The following PCDH15 variants were observed in gnomAD, a reference collection of about 807,000 sequenced individuals.
PCDH15 encodes protocadherin-15.
A neutral mutation model predicts 178.5 loss-of-function variants in PCDH15; 129 were observed. That is an observed-to-expected ratio of 0.72 (90% CI 0.63 to 0.84). The LOEUF is 0.84. Ranked by LOEUF, PCDH15 falls within the 40% of genes least tolerant of loss-of-function variation. The probability of loss-of-function intolerance (pLI) is 0.00; values close to 1 mark genes in which losing one functional copy is unlikely to be tolerated. For synonymous variants in PCDH15, 800 were observed against 732.0 expected (o/e 1.09, Z -1.50); for missense variants, 2,230 against 2,099.9 (o/e 1.06, Z -1.21).
At chr10:54,759,010 C>T (rs1217062579) in intron 1 of PCDH15, among the ~76,000 whole-genome samples, 4 of 152,014 alleles carry the variant, frequency 2.6e-5, no homozygotes, top group Non-Finnish European at 4.4e-5. Flanking sequence ...GGCATGTGAC[C>T]TTGGGCATGT....
At chr10:55,226,474 T>C (rs1020372491) in intron 1 of PCDH15, among the ~76,000 whole-genome samples, 8 of 151,778 alleles carry the variant, frequency 5.3e-5, no homozygotes, top group Non-Finnish European at 1.0e-4. Flanking sequence ...CTCTGTCTCC[T>C]GGGTTCAAGC....
intron 8 of PCDH15, among the ~76,000 whole-genome samples, chr10:54,304,195 T>C (rs550669568): frequency 5.9e-4 from 90 of 152,220 alleles, no homozygotes; most frequent in African/African-American, 2.1e-3. Flanking sequence ...ACCCATATCA[T>C]TGTTTCCCGT....
chr10:54,633,828 G>A (rs1565807627), intron 2 of PCDH15, among the ~76,000 whole-genome samples: 1 of 152,030 alleles, frequency 6.6e-6, no homozygotes, highest in Non-Finnish European at 1.5e-5. Context: ...AATAACCATG[G>A]AGAACTGAAA....
At chr10:54,132,030 T>C (rs2042479255) in intron 15 of PCDH15, among the ~76,000 whole-genome samples, 1 of 152,144 alleles carries the variant, frequency 6.6e-6, no homozygotes, top group East Asian at 1.9e-4. Flanking sequence ...AAATCTCCCC[T>C]AGGCTTTAAG....
chr10:54,942,112 C>T (rs1419409599), intron 2 of PCDH15, among the ~76,000 whole-genome samples: 1 of 151,982 alleles, frequency 6.6e-6, no homozygotes, highest in Non-Finnish European at 1.5e-5. Context: ...ACGTTTATGG[C>T]TTATTCTGAC....
intron 2 of PCDH15, among the ~76,000 whole-genome samples, chr10:54,561,794 AC>A (rs913119421): frequency 6.6e-6 from 1 of 151,820 alleles, no homozygotes; most frequent in Non-Finnish European, 1.5e-5. Flanking sequence ...AATGAAAAAA[AC>A]CTTAATTCTG....
chr10:54,930,279 A>C (rs946610651), intron 2 of PCDH15, among the ~76,000 whole-genome samples: 14 of 152,118 alleles, frequency 9.2e-5, no homozygotes, highest in Non-Finnish European at 1.2e-4. Flanking sequence ...AATCTTTGAG[A>C]CCTATGTAAA....
At chr10:54,928,882 C>A (rs1295313541) in intron 2 of PCDH15, among the ~76,000 whole-genome samples, 2 of 152,124 alleles carry the variant, frequency 1.3e-5, no homozygotes, top group Non-Finnish European at 2.9e-5. Flanking sequence ...TACTCCTGCA[C>A]CTCAAAGAGC....
intron 6 of PCDH15, among the ~76,000 whole-genome samples, chr10:54,341,983 A>T (rs1334021854): frequency 1.3e-5 from 2 of 152,244 alleles, no homozygotes; most frequent in Non-Finnish European, 2.9e-5. Flanking sequence ...AGTCATAGGC[A>T]TATATGAAGA....
At chr10:55,467,966 C>CAAAAAAAAAAAAAAAAAAAGAAAAAAA (rs1839869098) in intron 2 of PCDH15, among the ~76,000 whole-genome samples, 1 of 36,642 alleles carries the variant, frequency 2.7e-5, no homozygotes, top group Non-Finnish European at 4.5e-5. Flanking sequence ...GACTCCGTCT[C>CAAAAAAAAAAAAAAAAAAAGAAAAAAA]AAAAAAAAAA....
At chr10:55,391,618 TG>T (rs1284158206) in intron 2 of PCDH15, among the ~76,000 whole-genome samples, 5 of 151,758 alleles carry the variant, frequency 3.3e-5, no homozygotes, top group Non-Finnish European at 7.4e-5. Flanking sequence ...TCCTGAGTAG[TG>T]GGGATTACAG....
chr10:54,294,664 C>G (rs910205600), intron 8 of PCDH15, among the ~76,000 whole-genome samples: 7 of 148,848 alleles, frequency 4.7e-5, no homozygotes, highest in African/African-American at 1.7e-4. Flanking sequence ...CACCTGAAAG[C>G]AACAGTAATC....
At chr10:55,580,419 A>G (rs1418579146) in intron 2 of PCDH15, among the ~76,000 whole-genome samples, 1 of 146,680 alleles carries the variant, frequency 6.8e-6, no homozygotes, top group Non-Finnish European at 1.5e-5. Flanking sequence ...GTTAAGTGAC[A>G]TGATCTCGGC....
chr10:54,219,089 T>TAA (rs746481539), intron 9 of PCDH15, among the ~76,000 whole-genome samples: 3 of 100,106 alleles, frequency 3.0e-5, no homozygotes, highest in African/African-American at 3.9e-5. Context: ...CTGTCTCTAC[T>TAA]AAAAAAAAAA....
Position 54,673,852 on chromosome 10 carries a change from C to T in PCDH15, c.-28-9562G>A, listed in dbSNP as rs529267254. ...AATAAAATATTTGTTTTCTATATAG[C>T]TTTAATATGTACTTTTTAACATGTA... On this transcript the variant is annotated intron_variant, in intron 1 of 37. Transcript: ENST00000644397. Among the ~76,000 whole-genome samples the T allele has an allele frequency of 2.0e-5, 3 of 152,190 alleles. No homozygotes were observed. The South Asian group carries it at 6.2e-4, about 32-fold the overall frequency.
chr10:54,710,784 T>C (rs903496912), intron 1 of PCDH15, among the ~76,000 whole-genome samples: 4 of 152,044 alleles, frequency 2.6e-5, no homozygotes, highest in South Asian at 2.1e-4. Flanking sequence ...CTAATACCTC[T>C]TTTTTACTTG....
At chr10:54,323,693 C>G (rs900776231) in intron 7 of PCDH15, among the ~76,000 whole-genome samples, 1 of 152,014 alleles carries the variant, frequency 6.6e-6, no homozygotes, top group African/African-American at 2.4e-5. Flanking sequence ...AACCTGGGAA[C>G]AGTAGACTGT....
At chr10:54,315,268 T>C (rs545237215) in intron 8 of PCDH15, among the ~76,000 whole-genome samples, 1 of 152,228 alleles carries the variant, frequency 6.6e-6, no homozygotes, top group African/African-American at 2.4e-5. Context: ...TGGTTTTGAT[T>C]TGCATTTCTC....
intron 2 of PCDH15, among the ~76,000 whole-genome samples, chr10:55,365,314 A>T (rs1342532772): frequency 6.6e-6 from 1 of 152,176 alleles, no homozygotes; most frequent in African/African-American, 2.4e-5. Flanking sequence ...AAGTGAAGTT[A>T]TAACAAGACC....
Sources: allele counts gnomAD v4.1 joint callset (sites outside exome capture counted in the v4.1 genomes callset), GRCh38; gene constraint gnomAD v4.1.1; transcripts MANE v1.5; gene names NCBI Gene and HGNC (gene_info 2026-07-23, HGNC 2026-07-21).